Variants in ZNRF3 observed in about 807,000 individuals in gnomAD.
The protein encoded by ZNRF3 is E3 ubiquitin-protein ligase ZNRF3.
A neutral mutation model predicts 72.5 loss-of-function variants in ZNRF3; 23 were observed. The observed-to-expected ratio is 0.32, with a 90% CI of 0.23 to 0.45. ZNRF3 has a LOEUF of 0.45. Ranked by LOEUF, ZNRF3 falls within the 20% of genes least tolerant of loss-of-function variation. The pLI, the probability that ZNRF3 is intolerant of heterozygous loss-of-function variation, is 1.00. For missense variants in ZNRF3, 1,169 were observed against 1,272.1 expected (o/e 0.92, Z 1.23); for synonymous variants, 610 against 545.3 (o/e 1.12, Z -1.65).
rs577690929 is a variant in ZNRF3, at chr22:28,921,899, G to A, written c.300+37833G>A. 3.9e-5 allele frequency among the ~76,000 whole-genome samples: 6 copies of A among 152,286 alleles called. No homozygotes were observed. The East Asian group carries it at 1.2e-3, about 29-fold the overall frequency. On this transcript the variant is annotated intron_variant, in intron 1 of 8. Coordinates refer to ENST00000544604, the MANE Select transcript of ZNRF3 (RefSeq NM_001206998.2). ...TTTTAATAGGATCTGTGCTACGTTA[G>A]GATTAATATATAGGTTGAGTATCCC...
intron 1 of ZNRF3, among the ~76,000 whole-genome samples, chr22:28,888,839 C>T (rs993521327): frequency 2.0e-5 from 3 of 151,776 alleles, no homozygotes; most frequent in Admixed American, 6.6e-5. Flanking sequence ...CAGGTCTGGC[C>T]GGGCGCGGTG....
chr22:28,939,854 C>A (rs2034910588), intron 1 of ZNRF3, among the ~76,000 whole-genome samples: 1 of 152,110 alleles, frequency 6.6e-6, no homozygotes. Context: ...ATCCTTCCCC[C>A]ACTGGTTTTT....
At chr22:29,024,041 T>C (rs777239613) in intron 2 of ZNRF3, among the ~76,000 whole-genome samples, 2 of 152,194 alleles carry the variant, frequency 1.3e-5, no homozygotes, top group African/African-American at 2.4e-5. Flanking sequence ...TGTTCTTCTT[T>C]TGAGACTTTC....
At position 28,933,872 on chromosome 22, in the gene ZNRF3, C is replaced by T. The variant is rs559423551; in HGVS notation, c.300+49806C>T. Among the ~76,000 whole-genome samples the T allele has an allele frequency of 4.6e-5, 7 of 150,710 alleles. No homozygotes were observed. In the South Asian group the frequency reaches 1.5e-3, roughly 33 times the overall value. ...CATTGTATCATGGTGAGTGGTACCT[C>T]TTTTCTTATTTGGGATACTCATTAG... On this transcript the variant is annotated intron_variant, in intron 1 of 8. Transcript: ENST00000544604.
chr22:28,982,290 A>C (rs1282750811), intron 1 of ZNRF3, among the ~76,000 whole-genome samples: 3 of 152,132 alleles, frequency 2.0e-5, no homozygotes, highest in African/African-American at 7.2e-5. Context: ...CTGTTGGATT[A>C]AATAAGAGAT....
At chr22:29,033,390 C>T (rs553518173) in intron 2 of ZNRF3, among the ~76,000 whole-genome samples, 2 of 142,266 alleles carry the variant, frequency 1.4e-5, no homozygotes, top group African/African-American at 5.1e-5. Context: ...TATAGTTCAA[C>T]TTAGGAGTTT....
chr22:28,974,424 C>T (rs535530830), intron 1 of ZNRF3, among the ~76,000 whole-genome samples: 13 of 152,328 alleles, frequency 8.5e-5, no homozygotes, highest in Middle Eastern at 3.4e-3. Flanking sequence ...TAATTGTTTT[C>T]AAACTCCCGA....
intron 1 of ZNRF3, among the ~76,000 whole-genome samples, chr22:28,984,131 TA>T (rs147413364): frequency 0.26 from 38,395 of 150,368 alleles, 6,033 homozygotes; most frequent in Middle Eastern, 0.4. Flanking sequence ...TTTTTTTTTT[TA>T]AAAAAAACCT....
chr22:28,959,987 A>C (rs1226862894), intron 1 of ZNRF3, among the ~76,000 whole-genome samples: 1 of 152,210 alleles, frequency 6.6e-6, no homozygotes, highest in Non-Finnish European at 1.5e-5. Context: ...TAAGCCTCCC[A>C]GTCTAGGGTA....
intron 1 of ZNRF3, among the ~76,000 whole-genome samples, 165 bp downstream of exon 1, chr22:28,884,231 C>T (rs2033725205): frequency 6.6e-6 from 1 of 151,642 alleles, no homozygotes; most frequent in African/African-American, 2.4e-5. Context: ...GGGCGGGACG[C>T]GGCCTCCGGG....
chr22:29,018,325 G>A, intron 2 of ZNRF3: 1 of 213,576 alleles, frequency 4.7e-6, no homozygotes, highest in South Asian at 6.8e-5. Flanking sequence ...AGGGGAAGGG[G>A]TAGTGAGAGA....
chr22:28,937,310 C>G (rs1485279930), intron 1 of ZNRF3, among the ~76,000 whole-genome samples: 1 of 149,636 alleles, frequency 6.7e-6, no homozygotes, highest in East Asian at 2.0e-4. Flanking sequence ...ATCCCAGAGA[C>G]CCCCATGGAA....
At chr22:29,005,019 C>T (rs937793264) in intron 2 of ZNRF3, among the ~76,000 whole-genome samples, 4 of 152,230 alleles carry the variant, frequency 2.6e-5, no homozygotes, top group Admixed American at 2.0e-4. Flanking sequence ...CTCTTGTCTC[C>T]GCTTTTCAGA....
chr22:28,927,917 T>C (rs957006396), intron 1 of ZNRF3, among the ~76,000 whole-genome samples: 2 of 152,200 alleles, frequency 1.3e-5, no homozygotes, highest in African/African-American at 4.8e-5. Context: ...GCTGTGACTT[T>C]AGCTACCTGG....
rs575023619 is a variant in ZNRF3, at chr22:28,902,976, A to G, written c.300+18910A>G. On this transcript the variant is annotated intron_variant, in intron 1 of 8. Transcript: ENST00000544604. ...TACTGAGAAGAGAAGTGGTCATAAC[A>G]TAGGAATTTTTTTTTTTAACATGCT... Among the ~76,000 whole-genome samples the G allele has an allele frequency of 3.3e-5, 5 of 152,312 alleles. No homozygotes were observed. In the East Asian group the frequency reaches 7.7e-4, roughly 24 times the overall value.
At chr22:29,027,338 T>C (rs918076378) in intron 2 of ZNRF3, among the ~76,000 whole-genome samples, 1 of 152,092 alleles carries the variant, frequency 6.6e-6, no homozygotes, top group Non-Finnish European at 1.5e-5. Context: ...AACCTCCGCC[T>C]CCCGGGTTCA....
chr22:29,009,428 A>G (rs1440384111), intron 2 of ZNRF3, among the ~76,000 whole-genome samples: 1 of 152,128 alleles, frequency 6.6e-6, no homozygotes, highest in African/African-American at 2.4e-5. Context: ...ATCTGTCATA[A>G]GAGTAGAGTT....
intron 8 of ZNRF3, among the ~76,000 whole-genome samples, chr22:29,052,821 T>TA (rs900019561): frequency 4.7e-5 from 7 of 149,618 alleles, no homozygotes; most frequent in South Asian, 2.1e-4. Flanking sequence ...AAAAAAAATT[T>TA]AAAAAAAAAT....
At chr22:28,935,591 G>GAAGTAA (rs2034805012) in intron 1 of ZNRF3, among the ~76,000 whole-genome samples, 2 of 152,184 alleles carry the variant, frequency 1.3e-5, no homozygotes, top group Non-Finnish European at 2.9e-5. Flanking sequence ...GAAGTAATGT[G>GAAGTAA]TGGGTAGGGT....
Sources: gnomAD v4.1 joint callset for allele counts (sites outside exome capture counted in the v4.1 genomes callset) on GRCh38, gnomAD v4.1.1 for gene constraint, MANE v1.5 for transcripts, NCBI Gene and HGNC (gene_info 2026-07-23, HGNC 2026-07-21) for gene names.